The following SPATS1 variants were observed in gnomAD, a reference collection of about 807,000 sequenced individuals.
SPATS1 encodes spermatogenesis-associated serine-rich protein 1.
A neutral mutation model predicts 33.6 loss-of-function variants in SPATS1; 23 were observed. That is an observed-to-expected ratio of 0.68 (90% CI 0.49 to 0.97). The LOEUF (loss-of-function observed/expected upper bound fraction) is 0.97. Ranked by LOEUF, SPATS1 falls within the 50% of genes least tolerant of loss-of-function variation. SPATS1 has a pLI of 0.00. For synonymous variants in SPATS1, 131 were observed against 125.6 expected (o/e 1.04, Z -0.29); for missense variants, 327 against 361.0 (o/e 0.91, Z 0.76).
intron 5 of SPATS1, among the ~76,000 whole-genome samples, chr6:44,363,605 T>C (rs1201677896): frequency 1.3e-5 from 2 of 152,146 alleles, no homozygotes; most frequent in African/African-American, 4.8e-5. Flanking sequence ...TTCCTTTCTT[T>C]TTCTTTCTTC....
rs1445727652 is a variant in SPATS1, at chr6:44,353,580, C to T, written c.287+707C>T. On this transcript the variant is annotated intron_variant, in intron 3 of 8. Transcript: ENST00000674044. Reference sequence around the variant, plus strand: ...TTTTGTTTCTTGACCAGGATGTTGGCTTTGTAATTAGTTGTAAAATTGACT... The same window carrying T: ...TTTTGTTTCTTGACCAGGATGTTGGTTTTGTAATTAGTTGTAAAATTGACT... 2.0e-5 allele frequency among the ~76,000 whole-genome samples: 3 copies of T among 152,178 alleles called. No individual in the cohort carries two copies. In the East Asian group the frequency reaches 5.8e-4, roughly 29 times the overall value.
chr6:44,371,382 C>A (rs1174029915), intron 7 of SPATS1, among the ~76,000 whole-genome samples: 2 of 151,912 alleles, frequency 1.3e-5, no homozygotes, highest in Non-Finnish European at 2.9e-5. Flanking sequence ...AGACTTGGAC[C>A]CTTTCCTCAG....
In SPATS1 at chr6:44,379,404, C is replaced by G. The variant is rs1430392399; in HGVS notation, c.*2341C>G. ...AGGAGATCGAGACCATCCTGGCTAACATGGAGAAACCCTGTCTCTATTAAA... is the reference window on the plus strand; with the variant it reads ...AGGAGATCGAGACCATCCTGGCTAAGATGGAGAAACCCTGTCTCTATTAAA... On this transcript the variant is annotated 3_prime_UTR_variant, in exon 9 of 9. Transcript: ENST00000674044. Among the ~76,000 whole-genome samples, 1 of 152,014 alleles carries G rather than the reference C, an allele frequency of 6.6e-6. No homozygotes were observed. The highest frequency in any genetic ancestry group is 2.1e-4 in the South Asian group (1 of 4,812).
At chr6:44,376,302 G>A in intron 7 of SPATS1, 56 bp from the exon 8 acceptor site, 1 of 1,069,030 alleles carries the variant, frequency 9.4e-7, no homozygotes, top group Non-Finnish European at 1.4e-6. Flanking sequence ...ATCCGCTGTT[G>A]GTGTTTGTAA....
At chr6:44,359,080 C>T (rs955788664) in intron 3 of SPATS1, among the ~76,000 whole-genome samples, 2 of 151,974 alleles carry the variant, frequency 1.3e-5, no homozygotes, top group African/African-American at 4.8e-5. Flanking sequence ...TCCACCTCAG[C>T]CTCCCAAGTA....
chr6:44,353,462 T>C (rs1788366698), intron 3 of SPATS1, among the ~76,000 whole-genome samples: 1 of 152,114 alleles, frequency 6.6e-6, no homozygotes. Context: ...CTTGGCTCAC[T>C]TTAACCTCAA....
chr6:44,359,210 C>G (rs1005071349), intron 3 of SPATS1, among the ~76,000 whole-genome samples: 3 of 152,156 alleles, frequency 2.0e-5, no homozygotes, highest in Admixed American at 2.0e-4. Context: ...ATCCTCCTAC[C>G]TTGGCATCCC....
At chr6:44,361,459 A>T in intron 4 of SPATS1, 2 of 985,402 alleles carry the variant, frequency 2.0e-6, no homozygotes, top group Non-Finnish European at 2.4e-6. Context: ...TTGCTGGTTG[A>T]TGGCATTCTA....
Position 44,368,487 on chromosome 6 carries a change from T to C in SPATS1, c.683T>C (p.Val228Ala), listed in dbSNP as rs541279690. ...AAAGCAGGATCAATGCTCCCACCAG[T>C]GAATTTTTCAATGTAAGTGTATGTT... Reference protein sequence around the residue: ...FHKAGSMLPPVNFSIVPYEKK... With the variant: ...FHKAGSMLPPANFSIVPYEKK... Residue 228 changes from valine to alanine, a missense_variant, in exon 6 of 9, where the codon GTG becomes GCG. Val to Ala is a moderately conservative substitution (Grantham distance 64). Transcript: ENST00000674044. 1.2e-6 allele frequency: 2 copies of C among 1,611,204 alleles called. No individual in the cohort carries two copies. The highest frequency in any genetic ancestry group is 1.3e-5 in the African/African-American group (1 of 75,018).
Position 44,377,222 on chromosome 6 carries a change from A to G in SPATS1, c.*159A>G. Reference sequence around the variant, plus strand: ...AACTTTATATTTTGAAAACTTTCACATTTACATAAAAGTTGCAAGAATTGT... The same window carrying G: ...AACTTTATATTTTGAAAACTTTCACGTTTACATAAAAGTTGCAAGAATTGT... On this transcript the variant is annotated 3_prime_UTR_variant, in exon 9 of 9. Transcript: ENST00000674044. 1 of 808,888 alleles carries G rather than the reference A, an allele frequency of 1.2e-6. No individual in the cohort carries two copies. The highest frequency in any genetic ancestry group is 2.0e-6 in the Non-Finnish European group (1 of 511,026). 50.1% of individuals were successfully genotyped at this position (808,888 alleles called of 1,614,324 possible). A position where few individuals can be genotyped will look rare whatever the true frequency, so the allele number is the denominator to read the frequency against.
intron 2 of SPATS1, among the ~76,000 whole-genome samples, chr6:44,345,785 T>C (rs1787840072): frequency 1.3e-5 from 2 of 152,234 alleles, no homozygotes; most frequent in Admixed American, 1.3e-4. Context: ...TTTTCATAGA[T>C]ACATTTCTAG....
chr6:44,370,719 TA>T (rs1372314946), intron 7 of SPATS1, among the ~76,000 whole-genome samples: 2 of 152,184 alleles, frequency 1.3e-5, no homozygotes, highest in African/African-American at 4.8e-5. Flanking sequence ...TCAGTGGGAA[TA>T]AAAACCTTTT....
At chr6:44,367,432 A>G (rs1789315731) in intron 5 of SPATS1, among the ~76,000 whole-genome samples, 1 of 152,200 alleles carries the variant, frequency 6.6e-6, no homozygotes, top group East Asian at 1.9e-4. Context: ...ATTTCACCAC[A>G]CAGAAGAGCT....
At chr6:44,346,144 A>C (rs951248389) in intron 2 of SPATS1, among the ~76,000 whole-genome samples, 5 of 152,012 alleles carry the variant, frequency 3.3e-5, no homozygotes, top group African/African-American at 1.2e-4. Context: ...ACAAAAAAAT[A>C]GCTGGACATG....
chr6:44,343,281 A>G (rs763280281), intron 2 of SPATS1, 47 bp downstream of exon 2: 4 of 1,591,990 alleles, frequency 2.5e-6, no homozygotes, highest in Non-Finnish European at 3.4e-6. Flanking sequence ...GCCACATCCA[A>G]GTATACTACA....
At chr6:44,360,640 C>T in intron 4 of SPATS1, 70 bp downstream of exon 4, 2 of 1,560,146 alleles carry the variant, frequency 1.3e-6, no homozygotes, top group Non-Finnish European at 1.7e-6. Context: ...ATACTGTTGG[C>T]CACCCTCATC....
intron 3 of SPATS1, among the ~76,000 whole-genome samples, chr6:44,356,533 A>C (rs969041277): frequency 1.3e-5 from 2 of 152,236 alleles, no homozygotes; most frequent in African/African-American, 4.8e-5. Flanking sequence ...GGTGTTGGCC[A>C]CAGCTGTGGG....
At chr6:44,351,116 CTG>C (rs1788206591) in intron 2 of SPATS1, among the ~76,000 whole-genome samples, 1 of 98,390 alleles carries the variant, frequency 1.0e-5, no homozygotes. Context: ...GAGTGAGACT[CTG>C]TGTCAAAAAA....
At chr6:44,346,666 A>G (rs550148627) in intron 2 of SPATS1, among the ~76,000 whole-genome samples, 113 of 152,304 alleles carry the variant, frequency 7.4e-4, no homozygotes, top group African/African-American at 2.5e-3. Flanking sequence ...TTGCAGGCAT[A>G]AGCCACCTTG....
Sources: gnomAD v4.1 joint callset for allele counts (sites outside exome capture counted in the v4.1 genomes callset) on GRCh38, gnomAD v4.1.1 for gene constraint, MANE v1.5 for transcripts, NCBI Gene and HGNC (gene_info 2026-07-23, HGNC 2026-07-21) for gene names.